SLC35F3: variants seen among roughly 807,000 people sequenced by gnomAD.
SLC35F3 encodes putative thiamine transporter SLC35F3.
In SLC35F3, 25 loss-of-function variants were observed where a neutral mutation model predicts 49.9. That is an observed-to-expected ratio of 0.50 (90% CI 0.37 to 0.70). The LOEUF is 0.70. SLC35F3 is among the 30% of genes least tolerant of loss of function. The pLI, the probability that SLC35F3 is intolerant of heterozygous loss-of-function variation, is 0.00. For missense variants in SLC35F3, 525 were observed against 639.8 expected (o/e 0.82, Z 1.94); for synonymous variants, 275 against 265.4 (o/e 1.04, Z -0.35).
chr1:234,298,689 T>C (rs1367462530), intron 3 of SLC35F3, among the ~76,000 whole-genome samples: 1 of 152,228 alleles, frequency 6.6e-6, no homozygotes, highest in Non-Finnish European at 1.5e-5. Context: ...TTTGCCACTA[T>C]TATAACTCTT....
At chr1:234,101,481 A>C (rs1027757365) in intron 2 of SLC35F3, among the ~76,000 whole-genome samples, 1 of 152,220 alleles carries the variant, frequency 6.6e-6, no homozygotes, top group Non-Finnish European at 1.5e-5. Context: ...TCTACTATTA[A>C]TACAAGTTAA....
intron 2 of SLC35F3, among the ~76,000 whole-genome samples, chr1:233,975,814 C>T (rs1480206299): frequency 6.6e-6 from 1 of 152,174 alleles, no homozygotes; most frequent in Non-Finnish European, 1.5e-5. Context: ...GTTGCCAGGG[C>T]AGGGGTGGAA....
At chr1:234,317,246 G>A (rs1013485375) in intron 5 of SLC35F3, among the ~76,000 whole-genome samples, 1 of 152,216 alleles carries the variant, frequency 6.6e-6, no homozygotes, top group African/African-American at 2.4e-5. Flanking sequence ...GGATAATAAA[G>A]TATTTTGATG....
intron 2 of SLC35F3, among the ~76,000 whole-genome samples, chr1:234,191,624 AACAAC>A (rs763086827): frequency 7.5e-6 from 1 of 132,722 alleles, no homozygotes. Flanking sequence ...AAATTGAAAC[AACAAC>A]AAAAAAAAAT....
chr1:233,939,623 G>A (rs1571988038), intron 2 of SLC35F3, among the ~76,000 whole-genome samples: 3 of 152,068 alleles, frequency 2.0e-5, no homozygotes, highest in East Asian at 3.9e-4. Context: ...GATTATGAAC[G>A]GCTGTGTTCC....
At chr1:233,959,451 G>T (rs1662757793) in intron 2 of SLC35F3, among the ~76,000 whole-genome samples, 1 of 152,134 alleles carries the variant, frequency 6.6e-6, no homozygotes, top group African/African-American at 2.4e-5. Flanking sequence ...AGCATTTCAT[G>T]GGGTAGCAGG....
intron 2 of SLC35F3, among the ~76,000 whole-genome samples, chr1:234,078,024 C>T (rs1037151474): frequency 6.6e-6 from 1 of 152,202 alleles, no homozygotes; most frequent in Non-Finnish European, 1.5e-5. Flanking sequence ...CTCTCCTTGA[C>T]TCCTACTGCA....
chr1:234,051,893 A>G (rs1664383228), intron 2 of SLC35F3, among the ~76,000 whole-genome samples: 1 of 152,202 alleles, frequency 6.6e-6, no homozygotes. Context: ...ATCTATTGAG[A>G]TAATCATGTG....
At chr1:233,963,341 C>T (rs1662837660) in intron 2 of SLC35F3, among the ~76,000 whole-genome samples, 1 of 150,806 alleles carries the variant, frequency 6.6e-6, no homozygotes, top group African/African-American at 2.4e-5. Flanking sequence ...CGCTCTGTCG[C>T]CCAGACTGGA....
chr1:233,969,062 G>GC (rs374282711), intron 2 of SLC35F3, among the ~76,000 whole-genome samples: 9 of 147,428 alleles, frequency 6.1e-5, no homozygotes, highest in East Asian at 2.0e-4. Flanking sequence ...ACATATTTTG[G>GC]GGGGGGGGAC....
intron 2 of SLC35F3, among the ~76,000 whole-genome samples, chr1:234,049,779 C>T (rs1280524224): frequency 6.6e-6 from 1 of 152,030 alleles, no homozygotes; most frequent in African/African-American, 2.4e-5. Context: ...TAATGCTATC[C>T]CTCCCCACTA....
rs533213026 is a variant in SLC35F3 at position 234,226,814 on chromosome 1, G to A, written c.284-4603G>A. Among the ~76,000 whole-genome samples the A allele has an allele frequency of 1.1e-4, 16 of 152,256 alleles. No homozygotes were observed. The South Asian group carries it at 3.3e-3, about 32-fold the overall frequency. On this transcript the variant is annotated intron_variant, in intron 2 of 7. Coordinates refer to ENST00000366618, the MANE Select transcript of SLC35F3 (RefSeq NM_173508.4). ...AGCAAAAAGTGTGATTTTGCAGGTG[G>A]CGGGTTTATTGCCTGACAGCCCTCA...
At chr1:234,194,539 C>T (rs1558256287) in intron 2 of SLC35F3, among the ~76,000 whole-genome samples, 1 of 152,106 alleles carries the variant, frequency 6.6e-6, no homozygotes, top group Non-Finnish European at 1.5e-5. Flanking sequence ...CCCAAATCAC[C>T]ACTAAAGGAC....
chr1:233,966,860 G>A lies in SLC35F3; in HGVS notation c.283+61102G>A, dbSNP rs190379027. 1.5e-3 allele frequency among the ~76,000 whole-genome samples: 223 copies of A among 152,236 alleles called. 1 individual carries two copies. Among genetic ancestry groups the A allele is most frequent in the Admixed American group, 2.7e-3 (42 of 15,294 alleles). ...GTGCTTCAGTTCCTTTATTTTCTTT[G>A]GAGGCAAAGCATCAGTGCTGGCCCT... On this transcript the variant is annotated intron_variant, in intron 2 of 7. Coordinates refer to ENST00000366618, the MANE Select transcript of SLC35F3 (RefSeq NM_173508.4).
chr1:234,266,380 G>A (rs985626574), intron 3 of SLC35F3, among the ~76,000 whole-genome samples: 6 of 152,148 alleles, frequency 3.9e-5, no homozygotes, highest in African/African-American at 1.4e-4. Flanking sequence ...AACAGTTTAT[G>A]CCTTTTGTGC....
intron 2 of SLC35F3, among the ~76,000 whole-genome samples, chr1:234,013,601 TAAG>T (rs756461100): frequency 5.9e-5 from 9 of 151,408 alleles, no homozygotes; most frequent in Non-Finnish European, 1.3e-4. Context: ...TTAGCTAGGC[TAAG>T]AAGAAAAGAG....
intron 2 of SLC35F3, among the ~76,000 whole-genome samples, chr1:234,154,433 C>T (rs1346806312): frequency 6.6e-6 from 1 of 152,134 alleles, no homozygotes. Context: ...AGTTCAACTG[C>T]CAATCCAGTA....
chr1:234,143,278 C>CTTTTTTTTTTT (rs1394286794), intron 2 of SLC35F3, among the ~76,000 whole-genome samples: 1 of 127,444 alleles, frequency 7.8e-6, no homozygotes, highest in African/African-American at 3.2e-5. Flanking sequence ...TGACTCTTTT[C>CTTTTTTTTTTT]TTTTCTTTTC....
intron 3 of SLC35F3, among the ~76,000 whole-genome samples, chr1:234,280,675 A>G (rs1668308498): frequency 6.6e-6 from 1 of 152,202 alleles, no homozygotes; most frequent in Admixed American, 6.5e-5. Flanking sequence ...GAAGAGCCAC[A>G]TTTCTCAGCA....
Sources: allele counts gnomAD v4.1 joint callset (sites outside exome capture counted in the v4.1 genomes callset), GRCh38; gene constraint gnomAD v4.1.1; transcripts MANE v1.5; gene names NCBI Gene and HGNC (gene_info 2026-07-23, HGNC 2026-07-21).